TNFAIP8: variants seen among roughly 807,000 people sequenced by gnomAD.
TNFAIP8 encodes the protein TNF alpha induced protein 8.
In TNFAIP8, 7 loss-of-function variants were observed where a neutral mutation model predicts 13.3. The observed-to-expected ratio is 0.52, with a 90% CI of 0.30 to 0.99. The LOEUF is 0.99. Ranked by LOEUF, TNFAIP8 falls within the 50% of genes least tolerant of loss-of-function variation. TNFAIP8 has a pLI of 0.07. For missense variants in TNFAIP8, 258 were observed against 236.9 expected (o/e 1.09, Z -0.58); for synonymous variants, 94 against 87.6 (o/e 1.07, Z -0.41).
At chr5:119,331,544 C>T (rs1464049233) in intron 1 of TNFAIP8, among the ~76,000 whole-genome samples, 1 of 152,150 alleles carries the variant, frequency 6.6e-6, no homozygotes, top group Non-Finnish European at 1.5e-5. Context: ...CAGGAGTTTC[C>T]TGCTGGGTGT....
intron 1 of TNFAIP8, among the ~76,000 whole-genome samples, chr5:119,328,720 C>T (rs1335474438): frequency 6.6e-6 from 1 of 152,132 alleles, no homozygotes; most frequent in Non-Finnish European, 1.5e-5. Context: ...ATCATATGTT[C>T]CCTTATTAGC....
intron 1 of TNFAIP8, among the ~76,000 whole-genome samples, chr5:119,346,709 C>T (rs777691046): frequency 1.3e-5 from 2 of 152,134 alleles, no homozygotes; most frequent in African/African-American, 4.8e-5. Flanking sequence ...ACTGTGAATT[C>T]GCTTGAAATA....
At chr5:119,361,425 C>G (rs1238143954) in intron 1 of TNFAIP8, among the ~76,000 whole-genome samples, 1 of 152,046 alleles carries the variant, frequency 6.6e-6, no homozygotes, top group Non-Finnish European at 1.5e-5. Context: ...GTTAGTTAAG[C>G]TGGTATTTAT....
chr5:119,305,681 TAAAGGTTATC>T (rs1400014439), intron 1 of TNFAIP8, among the ~76,000 whole-genome samples: 1 of 152,200 alleles, frequency 6.6e-6, no homozygotes, highest in Non-Finnish European at 1.5e-5. Context: ...TTGCACTTTA[TAAAGGTTATC>T]TAAATTTCTA....
chr5:119,366,180 A>G (rs9327100), intron 1 of TNFAIP8, among the ~76,000 whole-genome samples: 26,774 of 151,976 alleles, frequency 0.18, 4,681 homozygotes, highest in African/African-American at 0.46. Flanking sequence ...TGCAAAACTT[A>G]AGAAGTGACC....
intron 1 of TNFAIP8, among the ~76,000 whole-genome samples, chr5:119,372,012 C>T (rs73241287): frequency 0.052 from 7,973 of 151,988 alleles, 690 homozygotes; most frequent in African/African-American, 0.18. Context: ...TGGCGGGCAC[C>T]TACAGTCCCA....
intron 1 of TNFAIP8, among the ~76,000 whole-genome samples, chr5:119,367,362 C>T (rs577587024): frequency 3.9e-5 from 6 of 152,182 alleles, no homozygotes; most frequent in South Asian, 2.1e-4. Flanking sequence ...CTAAATGAAA[C>T]GTGGAATGTC....
chr5:119,283,659 T>C (rs1027395313), intron 1 of TNFAIP8, among the ~76,000 whole-genome samples: 2 of 152,172 alleles, frequency 1.3e-5, no homozygotes, highest in Non-Finnish European at 2.9e-5. Context: ...CTCCCTCCTT[T>C]TCTGTTCCTT....
At chr5:119,355,152 A>G, upstream of TNFAIP8, 2 of 619,978 alleles carry the variant, frequency 3.2e-6, no homozygotes, top group South Asian at 3.6e-5. Context: ...ATCTGTTGTG[A>G]AGGCTGTCCG....
chr5:119,364,624 A>C (rs1481946661), intron 1 of TNFAIP8, among the ~76,000 whole-genome samples: 2 of 152,168 alleles, frequency 1.3e-5, no homozygotes, highest in Admixed American at 6.5e-5. Context: ...CTAGAATCAC[A>C]GGGATGAGCC....
chr5:119,293,744 G>C (rs866475979), intron 1 of TNFAIP8, among the ~76,000 whole-genome samples: 4 of 152,208 alleles, frequency 2.6e-5, no homozygotes, highest in Non-Finnish European at 5.9e-5. Flanking sequence ...AAGGGGTAGA[G>C]AGGTACAAAT....
chr5:119,367,790 A>C (rs1220891684), intron 1 of TNFAIP8, among the ~76,000 whole-genome samples: 1 of 152,180 alleles, frequency 6.6e-6, no homozygotes, highest in Non-Finnish European at 1.5e-5. Context: ...ACTCATTTCA[A>C]CATGTCTGAT....
intron 1 of TNFAIP8, among the ~76,000 whole-genome samples, chr5:119,302,141 C>G (rs994352968): frequency 2.6e-5 from 4 of 152,156 alleles, no homozygotes; most frequent in Non-Finnish European, 4.4e-5. Context: ...ATTTAGTTGT[C>G]CTAGTTGGGG....
chr5:119,341,215 C>T lies in TNFAIP8; in HGVS notation c.2-51601C>T, dbSNP rs141716851. On this transcript the variant is annotated intron_variant, in intron 1 of 1. Transcript: ENST00000274456. ...CTCTGAAACAGCACCAGAACTCCAC[C>T]TAAGCGAGAGATTGCTTATTTGTTT... Among the ~76,000 whole-genome samples, 1,060 of 152,030 alleles carry T rather than the reference C, an allele frequency of 7.0e-3. 18 individuals are homozygous for T. Among genetic ancestry groups the T allele is most frequent in the African/African-American group, 0.024 (1,014 of 41,450 alleles).
chr5:119,278,354 A>G (rs4588618), intron 1 of TNFAIP8, among the ~76,000 whole-genome samples: 459 of 29,056 alleles, frequency 0.016, 4 homozygotes, highest in East Asian at 0.036. Context: ...AGGAAGGGGG[A>G]GAGAGAGAGA....
At chr5:119,339,925 A>G (rs1194263504) in intron 1 of TNFAIP8, among the ~76,000 whole-genome samples, 1 of 152,246 alleles carries the variant, frequency 6.6e-6, no homozygotes, top group Non-Finnish European at 1.5e-5. Context: ...TGGATAATGT[A>G]AAGCTTTGGA....
chr5:119,290,124 A>G (rs537966292), intron 1 of TNFAIP8, among the ~76,000 whole-genome samples: 9 of 152,252 alleles, frequency 5.9e-5, no homozygotes, highest in Non-Finnish European at 1.2e-4. Flanking sequence ...TAGGACAGAA[A>G]TAATTGGAAT....
intron 1 of TNFAIP8, among the ~76,000 whole-genome samples, chr5:119,310,864 G>C (rs886197105): frequency 1.3e-5 from 2 of 152,062 alleles, no homozygotes; most frequent in African/African-American, 4.8e-5. Context: ...ATTTCTCTGA[G>C]AGCAGGGGTT....
At chr5:119,293,563 G>C (rs1749063540) in intron 1 of TNFAIP8, among the ~76,000 whole-genome samples, 1 of 152,150 alleles carries the variant, frequency 6.6e-6, no homozygotes, top group Non-Finnish European at 1.5e-5. Context: ...CATTGTGTAT[G>C]TGTACTATAT....
Sources: gnomAD v4.1 joint callset for allele counts (sites outside exome capture counted in the v4.1 genomes callset) on GRCh38, gnomAD v4.1.1 for gene constraint, MANE v1.5 for transcripts, NCBI Gene and HGNC (gene_info 2026-07-23, HGNC 2026-07-21) for gene names.